Variants in CACNB4 observed in about 807,000 individuals in gnomAD.
CACNB4 encodes the protein calcium voltage-gated channel auxiliary subunit beta 4.
Under a neutral mutation model 71.2 loss-of-function variants are expected in CACNB4, and 32 were observed. That is an observed-to-expected ratio of 0.45 (90% confidence interval 0.34 to 0.60). The LOEUF (loss-of-function observed/expected upper bound fraction) is 0.60, where lower values mean the gene tolerates loss of function less well. CACNB4 is among the 20% of genes least tolerant of loss of function. CACNB4 has a pLI of 0.01. For synonymous variants in CACNB4, 231 were observed against 236.9 expected, an observed-to-expected ratio of 0.97 and a Z score of 0.23; for missense variants, 464 against 647.9, an observed-to-expected ratio of 0.72 and a Z score of 3.08.
intron 2 of CACNB4, among the ~76,000 whole-genome samples, chr2:151,933,806 G>A (rs570133672): frequency 3.9e-5 from 6 of 152,072 alleles, no homozygotes; most frequent in South Asian, 2.1e-4. Flanking sequence ...AACTATTGAA[G>A]CAATTTTTTA....
intron 2 of CACNB4, among the ~76,000 whole-genome samples, chr2:152,060,872 CTA>C (rs1685974626): frequency 6.6e-6 from 1 of 152,244 alleles, no homozygotes; most frequent in South Asian, 2.1e-4. Flanking sequence ...TTGTCTATAT[CTA>C]TGTGTGCATA....
At chr2:151,871,869 T>G (rs1183863655) in intron 6 of CACNB4, 1 of 153,512 alleles carries the variant, frequency 6.5e-6, no homozygotes, top group Non-Finnish European at 1.4e-5. Context: ...TTTCCAAATG[T>G]ACCACAATTC....
intron 2 of CACNB4, among the ~76,000 whole-genome samples, chr2:152,067,242 T>C (rs1686388939): frequency 6.6e-6 from 1 of 152,220 alleles, no homozygotes; most frequent in African/African-American, 2.4e-5. Context: ...GGACACATGC[T>C]TCTGCATGTC....
At chr2:151,989,667 TA>T (rs1560113116) in intron 2 of CACNB4, among the ~76,000 whole-genome samples, 1 of 152,208 alleles carries the variant, frequency 6.6e-6, no homozygotes, top group Non-Finnish European at 1.5e-5. Flanking sequence ...GATTCATAAA[TA>T]AACACATCCA....
chr2:151,849,100 G>C (rs764050195), intron 12 of CACNB4, among the ~76,000 whole-genome samples: 1 of 152,024 alleles, frequency 6.6e-6, no homozygotes, highest in Admixed American at 6.6e-5. Flanking sequence ...AATGGGCAAC[G>C]AGAGGAAAGT....
rs959352447 is a variant in CACNB4 at position 151,982,400 on chromosome 2, A to G, written c.148-99030T>C. On this transcript the variant is annotated intron_variant, in intron 2 of 13. Coordinates refer to ENST00000539935, the MANE Select transcript of CACNB4 (RefSeq NM_000726.5). ...TGTAATCCCAGCACTTTGGGAGGCC[A>G]AGGCGGGCAGATCACGAGGTCAGGA... Among the ~76,000 whole-genome samples the G allele has an allele frequency of 2.0e-4, 30 of 152,144 alleles. 1 individual carries two copies. The highest frequency in any genetic ancestry group is 3.4e-3 in the Middle Eastern group (1 of 294).
intron 2 of CACNB4, among the ~76,000 whole-genome samples, chr2:152,068,031 A>G (rs907298011): frequency 1.5e-4 from 23 of 152,196 alleles, no homozygotes; most frequent in African/African-American, 5.5e-4. Context: ...GCCTGCAGCC[A>G]TGGGGCTGAA....
intron 2 of CACNB4, among the ~76,000 whole-genome samples, chr2:151,993,622 T>C (rs1294455776): frequency 6.7e-6 from 1 of 149,564 alleles, no homozygotes; most frequent in African/African-American, 2.5e-5. Flanking sequence ...TGGAGTGCAG[T>C]AGCACAATCT....
At chr2:151,989,641 C>G (rs971754974) in intron 2 of CACNB4, among the ~76,000 whole-genome samples, 1 of 152,182 alleles carries the variant, frequency 6.6e-6, no homozygotes, top group Non-Finnish European at 1.5e-5. Flanking sequence ...GCTTCAACTA[C>G]GTTCCATCTT....
chr2:152,004,738 G>T (rs1440010483), intron 2 of CACNB4, among the ~76,000 whole-genome samples: 1 of 152,160 alleles, frequency 6.6e-6, no homozygotes. Context: ...CACTTAGCTG[G>T]GCTGGACAAT....
chr2:151,893,126 A>G (rs879548346), intron 2 of CACNB4, among the ~76,000 whole-genome samples: 1 of 152,200 alleles, frequency 6.6e-6, no homozygotes, highest in African/African-American at 2.4e-5. Flanking sequence ...TGAGCTCTGT[A>G]TGGGAGATTA....
chr2:151,995,540 T>C (rs1268578119), intron 2 of CACNB4, among the ~76,000 whole-genome samples: 2 of 152,188 alleles, frequency 1.3e-5, no homozygotes, highest in African/African-American at 4.8e-5. Context: ...ACCCCGTCTC[T>C]ACTAAAAATG....
chr2:151,992,806 A>G (rs74838477), intron 2 of CACNB4, among the ~76,000 whole-genome samples: 6,571 of 152,292 alleles, frequency 0.043, 463 homozygotes, highest in African/African-American at 0.15. Flanking sequence ...CACTTAGCCA[A>G]TGTAAGCTGA....
At chr2:151,878,187 T>C (rs550045829) in intron 4 of CACNB4, among the ~76,000 whole-genome samples, 2 of 151,050 alleles carry the variant, frequency 1.3e-5, no homozygotes, top group South Asian at 4.5e-4. Context: ...GCGAAATTTA[T>C]ATATATGTCT....
chr2:152,028,662 T>C (rs537439755), intron 2 of CACNB4, among the ~76,000 whole-genome samples: 36 of 152,360 alleles, frequency 2.4e-4, no homozygotes, highest in Non-Finnish European at 4.4e-4. Flanking sequence ...ATGAGCAATC[T>C]GTTGGTCAAA....
At chr2:151,922,125 A>C (rs544153949) in intron 2 of CACNB4, among the ~76,000 whole-genome samples, 1 of 152,312 alleles carries the variant, frequency 6.6e-6, no homozygotes, top group East Asian at 1.9e-4. Context: ...CAAGAACCCA[A>C]GTGATTACAT....
intron 2 of CACNB4, among the ~76,000 whole-genome samples, chr2:151,901,244 C>T (rs772520371): frequency 6.6e-6 from 1 of 151,868 alleles, no homozygotes; most frequent in Non-Finnish European, 1.5e-5. Context: ...CTCAGCCTTG[C>T]AGTGTTAGAA....
At chr2:151,969,437 A>C (rs1374001161) in intron 2 of CACNB4, 2 of 152,218 alleles carry the variant, frequency 1.3e-5, no homozygotes, top group Non-Finnish European at 2.9e-5. Context: ...AAATAACTTT[A>C]CTATATCTTT....
rs1002620288 is a variant in CACNB4, at chr2:151,912,925, T to G, written c.148-29555A>C. 5.3e-5 allele frequency among the ~76,000 whole-genome samples: 8 copies of G among 150,204 alleles called. No homozygotes were observed. The East Asian group carries it at 1.6e-3, about 29-fold the overall frequency. ...TTGTTCCCTTTACCATTATGTAATG[T>G]CCTTCTTTGTCTTTTTTGATCTTTG... On this transcript the variant is annotated intron_variant, in intron 2 of 13. Coordinates refer to ENST00000539935, the MANE Select transcript of CACNB4 (RefSeq NM_000726.5).
Sources: allele counts gnomAD v4.1 joint callset (sites outside exome capture counted in the v4.1 genomes callset), GRCh38; gene constraint gnomAD v4.1.1; transcripts MANE v1.5; gene names NCBI Gene and HGNC (gene_info 2026-07-23, HGNC 2026-07-21).